The following DNAJB6 variants were observed in gnomAD, a reference collection of about 807,000 sequenced individuals.
DNAJB6 encodes dnaJ homolog subfamily B member 6.
A neutral mutation model predicts 42.7 loss-of-function variants in DNAJB6; 16 were observed. That is an observed-to-expected ratio of 0.37 (90% confidence interval 0.25 to 0.57). The LOEUF (loss-of-function observed/expected upper bound fraction) is 0.57, where lower values mean the gene tolerates loss of function less well. DNAJB6 is among the 20% of genes least tolerant of loss of function. The pLI, the probability that DNAJB6 is intolerant of heterozygous loss-of-function variation, is 0.74. For synonymous variants in DNAJB6, 170 were observed against 163.5 expected (o/e 1.04, Z -0.30); for missense variants, 347 against 416.8 (o/e 0.83, Z 1.46).
chr7:157,377,575 G>GGAGCAGGAGAC (rs1800534918), intron 5 of DNAJB6, among the ~76,000 whole-genome samples: 1 of 152,164 alleles, frequency 6.6e-6, no homozygotes, highest in African/African-American at 2.4e-5. Flanking sequence ...AGTAAAATCT[G>GGAGCAGGAGAC]TCAGGACTGG....
chr7:157,348,849 A>C (rs1798825470), intron 1 of DNAJB6, among the ~76,000 whole-genome samples: 1 of 151,936 alleles, frequency 6.6e-6, no homozygotes, highest in Non-Finnish European at 1.5e-5. Flanking sequence ...TGCGTCCCAC[A>C]TGGGCTGTGT....
chr7:157,405,656 G>A (rs952700125), intron 8 of DNAJB6, among the ~76,000 whole-genome samples: 3 of 152,200 alleles, frequency 2.0e-5, no homozygotes, highest in Non-Finnish European at 4.4e-5. Flanking sequence ...ACAGTCTCCT[G>A]GGACCTTGAC....
intron 5 of DNAJB6, 37 bp downstream of exon 5, chr7:157,367,520 A>G (rs561892744): frequency 2.4e-6 from 3 of 1,225,662 alleles, no homozygotes; most frequent in Admixed American, 3.4e-5. Flanking sequence ...GTGTGTGTCC[A>G]TGACCCAAAT....
At position 157,369,745 on chromosome 7, in the gene DNAJB6, G is replaced by C. The variant is rs566223402; in HGVS notation, c.346+2262G>C. Among the ~76,000 whole-genome samples the C allele has an allele frequency of 3.4e-5, 5 of 145,872 alleles. 1 individual carries two copies. The highest frequency in any genetic ancestry group is 3.4e-4 in the Admixed American group (5 of 14,804). On this transcript the variant is annotated intron_variant, in intron 5 of 9. Coordinates refer to ENST00000262177, the MANE Select transcript of DNAJB6 (RefSeq NM_058246.4). Reference sequence around the variant, plus strand: ...CCTTCTTCACATTATTATTAAACAGGCCCCTTCTTAACATTATTATTAAAC... The same window carrying C: ...CCTTCTTCACATTATTATTAAACAGCCCCCTTCTTAACATTATTATTAAAC...
chr7:157,346,764 T>C (rs965717496), intron 1 of DNAJB6, among the ~76,000 whole-genome samples: 2 of 152,278 alleles, frequency 1.3e-5, no homozygotes, highest in Admixed American at 1.3e-4. Context: ...CAGCAAACAG[T>C]GGGGATTGTT....
rs80237241 is a variant in DNAJB6 at position 157,396,914 on chromosome 7, T to C, written c.691+11303T>C. Among the ~76,000 whole-genome samples, 1,709 of 152,124 alleles carry C rather than the reference T, an allele frequency of 0.011. 68 individuals are homozygous for C. The East Asian group carries it at 0.13, about 12-fold the overall frequency. The stretch of plus-strand genomic sequence containing the variant: ...CTACATGGGAAGGCCGACGCCACAG[T>C]GTGCTTTAGTTGGTTTCCATCTGAA... On this transcript the variant is annotated intron_variant, in intron 8 of 9. Coordinates refer to ENST00000262177, the MANE Select transcript of DNAJB6 (RefSeq NM_058246.4).
At chr7:157,363,084 G>A (rs1799683549) in intron 2 of DNAJB6, 77 bp from the exon 3 acceptor site, 1 of 979,768 alleles carries the variant, frequency 1.0e-6, no homozygotes, top group Non-Finnish European at 1.6e-6. Flanking sequence ...CCATTCTCGT[G>A]GTTAATGATG....
At chr7:157,353,585 G>GT (rs1799111962) in intron 1 of DNAJB6, among the ~76,000 whole-genome samples, 2 of 128,400 alleles carry the variant, frequency 1.6e-5, no homozygotes, top group African/African-American at 6.2e-5. Flanking sequence ...TTCTTGACCG[G>GT]GGTGTGTGTG....
At position 157,382,332 on chromosome 7, in the gene DNAJB6, A is replaced by C; in HGVS notation, c.433A>C (p.Ser145Arg). The change falls in exon 6 of 10, where the codon AGT becomes CGT. Residue 145 changes from serine (S) to arginine (R), a missense_variant. Transcript: ENST00000262177. ...RGTGSFFSAF[S>R]GFPSFGSGFS... ...GACGGGGTCGTTTTTCTCTGCGTTC[A>C]GTGGATTTCCGTCTTTTGGAAGTGG... 1 of 1,611,778 alleles carries C rather than the reference A, an allele frequency of 6.2e-7. No homozygotes were observed. Among genetic ancestry groups the C allele is most frequent in the Admixed American group, 1.7e-5 (1 of 59,700 alleles).
chr7:157,369,724 C>T, intron 5 of DNAJB6, among the ~76,000 whole-genome samples: 1 of 144,820 alleles, frequency 6.9e-6, no homozygotes, highest in East Asian at 2.0e-4. Flanking sequence ...CGGGCCCCTT[C>T]TTCACATTAT....
intron 1 of DNAJB6, chr7:157,337,889 G>A (rs1798133311): frequency 2.6e-5 from 4 of 151,368 alleles, no homozygotes; most frequent in African/African-American, 9.8e-5. Flanking sequence ...ATTTTTTAAA[G>A]GATGGGTTTG....
At chr7:157,375,301 G>A (rs1416433335) in intron 5 of DNAJB6, among the ~76,000 whole-genome samples, 2 of 152,192 alleles carry the variant, frequency 1.3e-5, no homozygotes, top group African/African-American at 2.4e-5. Context: ...TGAGCAATGA[G>A]GACTGTGGTT....
chr7:157,353,085 T>G (rs923096168), intron 1 of DNAJB6, among the ~76,000 whole-genome samples: 2 of 151,984 alleles, frequency 1.3e-5, no homozygotes, highest in Non-Finnish European at 2.9e-5. Flanking sequence ...CAAATTTTTT[T>G]TTTTTTAATT....
intron 8 of DNAJB6, among the ~76,000 whole-genome samples, chr7:157,405,496 G>T (rs1795732272): frequency 6.6e-6 from 1 of 152,190 alleles, no homozygotes; most frequent in Admixed American, 6.5e-5. Flanking sequence ...GGGCCAGGGT[G>T]CTGGGTTTCC....
chr7:157,360,388 G>C (rs1799520019), intron 2 of DNAJB6, among the ~76,000 whole-genome samples: 1 of 152,166 alleles, frequency 6.6e-6, no homozygotes, highest in African/African-American at 2.4e-5. Context: ...GGAGTTCTGG[G>C]AGTTACAACT....
chr7:157,339,601 T>TTGTGTGTGTG (rs59577692), intron 1 of DNAJB6, among the ~76,000 whole-genome samples: 70 of 122,434 alleles, frequency 5.7e-4, no homozygotes, highest in African/African-American at 1.4e-3. Flanking sequence ...GCCCGGCCTT[T>TTGTGTGTGTG]TGTGTGTGTG....
At chr7:157,387,509 T>C (rs1021694133) in intron 8 of DNAJB6, among the ~76,000 whole-genome samples, 3 of 152,250 alleles carry the variant, frequency 2.0e-5, no homozygotes, top group African/African-American at 7.2e-5. Flanking sequence ...CTAAGGCGTT[T>C]TATATTTTTC....
At chr7:157,406,655 C>T (rs1011613399) in intron 8 of DNAJB6, among the ~76,000 whole-genome samples, 2 of 152,184 alleles carry the variant, frequency 1.3e-5, no homozygotes, top group African/African-American at 2.4e-5. Flanking sequence ...GCACCTTTCT[C>T]CCCCAGTCAC....
chr7:157,402,038 C>T (rs746570137), intron 8 of DNAJB6, among the ~76,000 whole-genome samples: 1 of 152,254 alleles, frequency 6.6e-6, no homozygotes, highest in African/African-American at 2.4e-5. Flanking sequence ...CGTGTCTGCT[C>T]TCTGTGGCTT....
Sources: gnomAD v4.1 joint callset for allele counts (sites outside exome capture counted in the v4.1 genomes callset) on GRCh38, gnomAD v4.1.1 for gene constraint, MANE v1.5 for transcripts, NCBI Gene and HGNC (gene_info 2026-07-23, HGNC 2026-07-21) for gene names.